The following SLCO3A1 variants were observed in gnomAD, a reference collection of about 807,000 sequenced individuals.
SLCO3A1 encodes PGE1 transporter.
In SLCO3A1, 27 loss-of-function variants were observed where a neutral mutation model predicts 63.1. The observed-to-expected ratio is 0.43, with a 90% CI of 0.32 to 0.59. SLCO3A1 has a LOEUF of 0.59. Ranked by LOEUF, SLCO3A1 falls within the 20% of genes least tolerant of loss-of-function variation. SLCO3A1 has a pLI of 0.09. For missense variants in SLCO3A1, 773 were observed against 945.8 expected (o/e 0.82, Z 2.40); for synonymous variants, 473 against 409.9 (o/e 1.15, Z -1.86).
intron 2 of SLCO3A1, among the ~76,000 whole-genome samples, chr15:92,025,937 A>G (rs1260469111): frequency 6.6e-6 from 1 of 152,206 alleles, no homozygotes; most frequent in Non-Finnish European, 1.5e-5. Context: ...ATTACCTTGT[A>G]AAGACATTTT....
At position 92,164,968 on chromosome 15, in the gene SLCO3A1, T is replaced by G. The variant is rs935512266; in HGVS notation, c.*1833T>G. On this transcript the variant is annotated 3_prime_UTR_variant, in exon 10 of 10. Coordinates refer to ENST00000318445, the MANE Select transcript of SLCO3A1 (RefSeq NM_013272.4). ...TGGCGCTGGAAAAAAAACTCAAAGG[T>G]TGATTGGTTTGCTTTTTCACCTTGG... 5.6e-6 allele frequency: 5 copies of G among 894,836 alleles called. No individual in the cohort carries two copies. In the African/African-American group the frequency reaches 1.6e-4, roughly 29 times the overall value. 55.4% of individuals were successfully genotyped at this position (894,836 alleles called of 1,614,324 possible).
At chr15:91,913,655 C>T (rs142601305) in intron 1 of SLCO3A1, among the ~76,000 whole-genome samples, 85 of 152,186 alleles carry the variant, frequency 5.6e-4, no homozygotes, top group Middle Eastern at 3.4e-3. Context: ...TTAGCACAGG[C>T]GTATGTTTAT....
intron 2 of SLCO3A1, among the ~76,000 whole-genome samples, chr15:92,085,331 AGTT>A (rs780183145): frequency 7.9e-4 from 120 of 152,312 alleles, no homozygotes; most frequent in Non-Finnish European, 1.4e-3. Context: ...AGCAAAGTTT[AGTT>A]GTTTTTGTTC....
chr15:92,126,077 G>C lies in SLCO3A1; in HGVS notation c.1191G>C (p.Pro397=), dbSNP rs145016752. ...TCCTTCCAGGGATGACTGCGATCCCGTGTGCTTGTCTGGGTATCTTCCTGG... is the reference window on the plus strand; with the variant it reads ...TCCTTCCAGGGATGACTGCGATCCCCTGTGCTTGTCTGGGTATCTTCCTGG... ...ANQLLGMTAI[P]CACLGIFLGG... is the part of the protein sequence containing the mutation. The change falls in exon 6 of 10, where the codon CCG becomes CCC. Residue 397 remains proline (P), a synonymous_variant. Transcript: ENST00000318445. The C allele has an allele frequency of 5.6e-6, 9 of 1,613,640 alleles. No individual in the cohort carries two copies. Among genetic ancestry groups the C allele is most frequent in the Non-Finnish European group, 7.6e-6 (9 of 1,179,968 alleles).
At chr15:91,861,222 A>G (rs2141838294) in intron 1 of SLCO3A1, among the ~76,000 whole-genome samples, 1 of 152,338 alleles carries the variant, frequency 6.6e-6, no homozygotes, top group South Asian at 2.1e-4. Flanking sequence ...AATTGTGTGT[A>G]AAGCACTGAA....
intron 2 of SLCO3A1, among the ~76,000 whole-genome samples, chr15:92,059,794 A>G (rs1258530311): frequency 3.9e-5 from 6 of 152,242 alleles, no homozygotes; most frequent in African/African-American, 7.2e-5. Flanking sequence ...ACACAGCCTG[A>G]TAAGTGCATA....
Position 92,163,971 on chromosome 15 carries a change from C to A in SLCO3A1, c.*836C>A. On this transcript the variant is annotated 3_prime_UTR_variant, in exon 10 of 10. Coordinates refer to ENST00000318445, the MANE Select transcript of SLCO3A1 (RefSeq NM_013272.4). ...TGGCTATGACTGACCCGGCTCAGAG[C>A]TGGTGAGACCCAACGCAGTCCAAGT... is the stretch of plus-strand genomic sequence containing the variant. 1.0e-6 allele frequency: 1 copy of A among 985,448 alleles called. No homozygotes were observed. The highest frequency in any genetic ancestry group is 1.2e-6 in the Non-Finnish European group (1 of 829,934). 61.0% of individuals were successfully genotyped at this position (985,448 alleles called of 1,614,324 possible).
chr15:92,040,955 T>C (rs1215741013), intron 2 of SLCO3A1, among the ~76,000 whole-genome samples: 1 of 152,146 alleles, frequency 6.6e-6, no homozygotes, highest in Non-Finnish European at 1.5e-5. Flanking sequence ...GCAATCCTAG[T>C]CCTCTGGGCA....
intron 2 of SLCO3A1, among the ~76,000 whole-genome samples, chr15:91,981,891 A>G (rs1156516554): frequency 1.3e-5 from 2 of 152,216 alleles, no homozygotes; most frequent in East Asian, 3.9e-4. Flanking sequence ...CCGTTGCCCA[A>G]AGTTGATGCC....
At chr15:92,008,713 A>G (rs1158251027) in intron 2 of SLCO3A1, among the ~76,000 whole-genome samples, 3 of 152,232 alleles carry the variant, frequency 2.0e-5, no homozygotes, top group African/African-American at 7.2e-5. Flanking sequence ...TTGTTTTCTC[A>G]ATGATGTTTT....
intron 2 of SLCO3A1, among the ~76,000 whole-genome samples, chr15:91,931,740 G>A (rs747388440): frequency 1.3e-5 from 2 of 150,574 alleles, no homozygotes; most frequent in Non-Finnish European, 2.9e-5. Context: ...CAAAGTGCTG[G>A]GATTATAGGA....
intron 2 of SLCO3A1, among the ~76,000 whole-genome samples, chr15:91,964,644 C>T (rs997598991): frequency 1.3e-5 from 2 of 152,058 alleles, no homozygotes; most frequent in Non-Finnish European, 2.9e-5. Context: ...ACCTCATTGG[C>T]CACAGCTCCG....
At chr15:92,144,561 C>T (rs933059896) in intron 7 of SLCO3A1, among the ~76,000 whole-genome samples, 1 of 152,350 alleles carries the variant, frequency 6.6e-6, no homozygotes, top group Middle Eastern at 3.4e-3. Flanking sequence ...ACGGTAACTT[C>T]TGTTGTCAGA....
Position 91,912,422 on chromosome 15 carries a change from C to G in SLCO3A1, c.181-3571C>G, listed in dbSNP as rs1048968844. Reference sequence around the variant, plus strand: ...AAAGACCGTACTACTTCCTGTCACCCCTGTGCGTTGCTCTGCAAAGAGCAG... The same window carrying G: ...AAAGACCGTACTACTTCCTGTCACCGCTGTGCGTTGCTCTGCAAAGAGCAG... On this transcript the variant is annotated intron_variant, in intron 1 of 9. Coordinates refer to ENST00000318445, the MANE Select transcript of SLCO3A1 (RefSeq NM_013272.4). This position sits in a 1 kb window ranked among gnomAD's most constrained non-coding sequence, Gnocchi z 5.0. Among the ~76,000 whole-genome samples the G allele has an allele frequency of 5.3e-5, 8 of 152,216 alleles. No homozygotes were observed. Among genetic ancestry groups the G allele is most frequent in the African/African-American group, 1.7e-4 (7 of 41,458 alleles).
At chr15:91,874,627 T>C (rs1897354990) in intron 1 of SLCO3A1, among the ~76,000 whole-genome samples, 1 of 152,222 alleles carries the variant, frequency 6.6e-6, no homozygotes. Context: ...ACGTTTTGCT[T>C]ATCCAGTCGT....
intron 1 of SLCO3A1, among the ~76,000 whole-genome samples, chr15:91,887,623 C>G (rs1349765070): frequency 6.6e-6 from 1 of 152,196 alleles, no homozygotes; most frequent in Non-Finnish European, 1.5e-5. Context: ...TGATTGGCCA[C>G]TTCGTAGTAA....
At chr15:91,892,040 A>G (rs953480616) in intron 1 of SLCO3A1, among the ~76,000 whole-genome samples, 6 of 152,224 alleles carry the variant, frequency 3.9e-5, no homozygotes, top group Admixed American at 2.0e-4. Context: ...CTGTTAAACA[A>G]TGTTCCAGTA....
At chr15:92,081,620 G>A (rs954742613) in intron 2 of SLCO3A1, among the ~76,000 whole-genome samples, 1 of 152,112 alleles carries the variant, frequency 6.6e-6, no homozygotes, top group Non-Finnish European at 1.5e-5. Flanking sequence ...TGCCCACCTC[G>A]GCCTCCCAAA....
intron 10 of SLCO3A1, chr15:92,171,352 G>A (rs2048520294): frequency 6.4e-6 from 1 of 155,914 alleles, no homozygotes; most frequent in Non-Finnish European, 1.4e-5. Context: ...GCTGGAGGAG[G>A]AAATATGACA....
Sources: allele counts gnomAD v4.1 joint callset (sites outside exome capture counted in the v4.1 genomes callset), GRCh38; gene constraint gnomAD v4.1.1; non-coding constraint Gnocchi (gnomAD v3.1); transcripts MANE v1.5; gene names NCBI Gene and HGNC (gene_info 2026-07-23, HGNC 2026-07-21).